C5: variants seen among roughly 807,000 people sequenced by gnomAD.
The protein encoded by C5 is C3 and PZP-like alpha-2-macroglobulin domain-containing protein 4.
Under a neutral mutation model 218.8 loss-of-function variants are expected in C5, and 140 were observed. The ratio of observed to expected loss-of-function variants is 0.64; its 90% CI spans 0.56 to 0.74. The LOEUF is 0.74. Ranked by LOEUF, C5 falls within the 30% of genes least tolerant of loss-of-function variation. The probability of loss-of-function intolerance (pLI) is 0.00; values close to 1 mark genes in which losing one functional copy is unlikely to be tolerated. For missense variants in C5, 1,700 were observed against 1,969.6 expected, an observed-to-expected ratio of 0.86 and a Z score of 2.59; for synonymous variants, 614 against 682.3, an observed-to-expected ratio of 0.90 and a Z score of 1.56.
intron 17 of C5, among the ~76,000 whole-genome samples, chr9:121,008,741 C>T (rs2047237208): frequency 6.6e-6 from 1 of 152,066 alleles, no homozygotes; most frequent in South Asian, 2.1e-4. Flanking sequence ...ATCAGCCTGG[C>T]CAACATGTTG....
chr9:120,962,471 C>T (rs932060788), intron 36 of C5, among the ~76,000 whole-genome samples, 200 bp downstream of exon 36: 16 of 152,144 alleles, frequency 1.1e-4, no homozygotes, highest in Non-Finnish European at 1.8e-4. Context: ...TGAGGTGAAA[C>T]GGTCTGCTCA....
chr9:120,996,994 C>A (rs1227514661), intron 21 of C5, among the ~76,000 whole-genome samples: 1 of 151,834 alleles, frequency 6.6e-6, no homozygotes, highest in Non-Finnish European at 1.5e-5. Flanking sequence ...AATTAACAGA[C>A]TGTGGGTAAA....
the C5 span, among the ~76,000 whole-genome samples, chr9:121,060,282 T>G: frequency 6.6e-6 from 1 of 152,224 alleles, no homozygotes; most frequent in Non-Finnish European, 1.5e-5. Flanking sequence ...TAATTCGTGC[T>G]GATTAAGTCA....
In C5 at chr9:120,953,812, T is replaced by C; in HGVS notation, c.4819A>G (p.Thr1607Ala). ...CTTCCTTTTACCAGCTCAGCGTTAG[T>C]ACAGGTTACCTTTTTAATGAAGGTA... Reference protein sequence around the residue: ...EITFIKKVTCTNAELVKGRQY... With the variant: ...EITFIKKVTCANAELVKGRQY... Residue 1607 changes from threonine (T) to alanine (A), a missense_variant, in exon 40 of 41, where the codon ACT becomes GCT. Transcript: ENST00000223642. The C allele has an allele frequency of 1.9e-6, 3 of 1,613,656 alleles. No homozygotes were observed. The highest frequency in any genetic ancestry group is 2.2e-5 in the East Asian group (1 of 44,876).
rs1035520938 is a variant in C5, at chr9:121,042,871, G to T, written c.421+133C>A. 1.1e-5 allele frequency: 7 copies of T among 665,120 alleles called. No individual in the cohort carries two copies. In the African/African-American group the frequency reaches 1.1e-4, roughly 10 times the overall value. 41.2% of individuals were successfully genotyped at this position (665,120 alleles called of 1,614,324 possible). On this transcript the variant is annotated intron_variant, in intron 3 of 40. Transcript: ENST00000223642. The stretch of plus-strand genomic sequence containing the variant: ...AATATTTGTAAGTATAGATGTCTTT[G>T]GGAATTGAGAGTCTTTTGAGCAAAT...
the C5 span, among the ~76,000 whole-genome samples, chr9:121,067,685 C>T: frequency 1.3e-5 from 2 of 151,976 alleles, no homozygotes; most frequent in Non-Finnish European, 2.9e-5. Context: ...AGGGAAGGTA[C>T]CTGGTGGGAG....
intron 33 of C5, among the ~76,000 whole-genome samples, chr9:120,965,149 T>C (rs1355050012): frequency 2.6e-5 from 4 of 152,106 alleles, no homozygotes; most frequent in African/African-American, 9.7e-5. Flanking sequence ...GGTATGAATG[T>C]TGGTGGAAGA....
chr9:121,054,435 A>G (rs1445129864), upstream of C5, among the ~76,000 whole-genome samples: 4 of 152,086 alleles, frequency 2.6e-5, no homozygotes, highest in Non-Finnish European at 2.9e-5. Flanking sequence ...CCTCATCTCT[A>G]CTAAAAATAC....
chr9:121,038,921 C>G (rs76742272), intron 3 of C5, among the ~76,000 whole-genome samples: 1 of 152,192 alleles, frequency 6.6e-6, no homozygotes. Flanking sequence ...CAAATCCTAT[C>G]TCCTGCTTTT....
chr9:120,982,700 A>C lies in C5; in HGVS notation c.3345T>G (p.Asn1115Lys). The stretch of plus-strand genomic sequence containing the variant: ...ACTGTGAATTTTCCTTGAAAGATCC[A>C]TTATCTAATTGATAATTCTCAACTA... Reference protein sequence around the residue: ...LWLVENYQLDNGSFKENSQYQ... With the variant: ...LWLVENYQLDKGSFKENSQYQ... Residue 1115 changes from asparagine (N) to lysine (K), a missense_variant, in exon 26 of 41, where the codon AAT becomes AAG. Physicochemically the swap from Asn to Lys is moderately conservative, Grantham distance 94. Coordinates refer to ENST00000223642, the MANE Select transcript of C5 (RefSeq NM_001735.3). The C allele has an allele frequency of 1.9e-6, 3 of 1,609,134 alleles. No homozygotes were observed. The highest frequency in any genetic ancestry group is 2.6e-6 in the Non-Finnish European group (3 of 1,176,074).
chr9:120,952,496 T>C lies in C5; in HGVS notation c.*243A>G. 1 of 415,512 alleles carries C rather than the reference T, an allele frequency of 2.4e-6. No individual in the cohort carries two copies. Among genetic ancestry groups the C allele is most frequent in the South Asian group, 2.1e-5 (1 of 46,780 alleles). The allele number at this position is 415,512 out of a possible 1,614,324, so 25.7% of individuals were successfully genotyped here. On this transcript the variant is annotated 3_prime_UTR_variant, in exon 41 of 41. Transcript: ENST00000223642. The stretch of plus-strand genomic sequence containing the variant: ...TTTGAGGAGGTGTTCCAATTTATTG[T>C]TTCCGGTGTCCAATAACCTTGGAGG...
intron 28 of C5, among the ~76,000 whole-genome samples, chr9:120,978,513 G>T (rs1361418885): frequency 6.6e-6 from 1 of 152,070 alleles, no homozygotes. Flanking sequence ...CAATACCCAA[G>T]ACATTTCTTT....
chr9:121,002,968 G>T (rs956986087), intron 20 of C5, among the ~76,000 whole-genome samples: 1 of 152,082 alleles, frequency 6.6e-6, no homozygotes, highest in Non-Finnish European at 1.5e-5. Context: ...GAAGAGAAAT[G>T]AGTAACATTT....
upstream of C5, among the ~76,000 whole-genome samples, chr9:121,051,123 C>CTT (rs5900469): frequency 2.8e-5 from 4 of 140,840 alleles, no homozygotes; most frequent in South Asian, 2.3e-4. Context: ...TATCTTTATA[C>CTT]TTTTTTTTTT....
rs1426471331 is a variant in C5, at chr9:120,962,880, A to C, written c.4398+13T>G. ...GTAATAGTAAAGGAAAAATGGTTGCAGGTGGAGCTTACCGAATTCAGTTGC... is the reference window on the plus strand; with the variant it reads ...GTAATAGTAAAGGAAAAATGGTTGCCGGTGGAGCTTACCGAATTCAGTTGC... On this transcript the variant is annotated intron_variant, in intron 35 of 40. Transcript: ENST00000223642. 25 of 1,612,826 alleles carry C rather than the reference A, an allele frequency of 1.6e-5. No homozygotes were observed. Among genetic ancestry groups the C allele is most frequent in the Non-Finnish European group, 2.0e-5 (23 of 1,178,874 alleles).
Position 121,037,921 on chromosome 9 carries a change from T to C in C5, c.452A>G (p.Asp151Gly), listed in dbSNP as rs1190615111. 1.3e-6 allele frequency: 2 copies of C among 1,537,860 alleles called. No homozygotes were observed. The highest frequency in any genetic ancestry group is 1.8e-6 in the Non-Finnish European group (2 of 1,122,668). Reference sequence around the variant, plus strand: ...AGTTTCTCTTTTGGCTGGCTTCAAGTCGTCATTCAACGAATAAACTCTAAC... The same window carrying C: ...AGTTTCTCTTTTGGCTGGCTTCAAGCCGTCATTCAACGAATAAACTCTAAC... ...VKVRVYSLND[D>G]LKPAKRETVL... The change falls in exon 4 of 41, where the codon GAC becomes GGC. Residue 151 changes from aspartate (D) to glycine (G), a missense_variant. Asp to Gly is a moderately conservative substitution (Grantham distance 94, BLOSUM62 -1). Transcript: ENST00000223642.
chr9:121,064,015 T>G, the C5 span, among the ~76,000 whole-genome samples: 2 of 152,250 alleles, frequency 1.3e-5, no homozygotes, highest in Non-Finnish European at 2.9e-5. Flanking sequence ...ATTATATCAC[T>G]GCTTCTCATG....
the C5 span, among the ~76,000 whole-genome samples, chr9:121,073,135 G>A: frequency 6.6e-6 from 1 of 152,174 alleles, no homozygotes; most frequent in African/African-American, 2.4e-5. Context: ...GCCTAATACT[G>A]CTTATAATAT....
chr9:120,999,707 T>G, intron 20 of C5: 1 of 234,044 alleles, frequency 4.3e-6, no homozygotes, highest in South Asian at 4.2e-5. Context: ...AAGTAGAAGA[T>G]TCAATCCAAA....
Sources: allele counts gnomAD v4.1 joint callset (sites outside exome capture counted in the v4.1 genomes callset), GRCh38; gene constraint gnomAD v4.1.1; transcripts MANE v1.5; gene names NCBI Gene and HGNC (gene_info 2026-07-23, HGNC 2026-07-21).